DCST2: variants seen among roughly 807,000 people sequenced by gnomAD.
DCST2 encodes the protein DC-STAMP domain-containing protein 2.
DCST2 carries 64 observed loss-of-function variants against 81.8 expected under a neutral mutation model. The ratio of observed to expected loss-of-function variants is 0.78; its 90% confidence interval spans 0.64 to 0.96. The LOEUF (loss-of-function observed/expected upper bound fraction) is 0.96, where lower values mean the gene tolerates loss of function less well. DCST2 is among the 40% of genes least tolerant of loss of function. The pLI, the probability that DCST2 is intolerant of heterozygous loss-of-function variation, is 0.00. For synonymous variants in DCST2, 354 were observed against 402.6 expected (o/e 0.88, Z 1.44); for missense variants, 945 against 1,001.4 (o/e 0.94, Z 0.76).
At chr1:155,033,055 G>T in intron 2 of DCST2, 39 bp downstream of exon 2, 1 of 1,501,012 alleles carries the variant, frequency 6.7e-7, no homozygotes, top group Non-Finnish European at 8.9e-7. Context: ...GGGGGCGAGG[G>T]GGGCCCGTGG....
chr1:155,023,007 C>A, intron 14 of DCST2, 110 bp downstream of exon 14: 1 of 1,487,436 alleles, frequency 6.7e-7, no homozygotes, highest in South Asian at 1.3e-5. Flanking sequence ...CCCCTCATGT[C>A]TGTTTCAAGC....
chr1:155,032,595 G>C lies in DCST2; in HGVS notation c.541+72C>G, dbSNP rs976517708. The C allele has an allele frequency of 9.0e-6, 12 of 1,326,582 alleles. No individual in the cohort carries two copies. The African/African-American group carries it at 1.3e-4, about 14-fold the overall frequency. The allele number at this position is 1,326,582 out of a possible 1,614,324, so 82.2% of individuals were successfully genotyped here. A position where few individuals can be genotyped will look rare whatever the true frequency, so the allele number is the denominator to read the frequency against. ...GCCTCGCAAAGTGCTGGGATTACAG[G>C]CATGAGCCACCGCACCCGGCCAGGA... On this transcript the variant is annotated intron_variant, in intron 3 of 14. Transcript: ENST00000368424.
chr1:155,026,835 G>T, intron 8 of DCST2, 120 bp from the exon 9 acceptor site: 1 of 1,256,796 alleles, frequency 8.0e-7, no homozygotes, highest in Non-Finnish European at 1.1e-6. Context: ...ACCCTTGGCT[G>T]GGGGCCTCTG....
At chr1:155,031,341 C>T in intron 4 of DCST2, 107 bp from the exon 5 acceptor site, 1 of 1,237,508 alleles carries the variant, frequency 8.1e-7, no homozygotes, top group Non-Finnish European at 1.1e-6. Context: ...TTCCTATTGG[C>T]CTCCACATTT....
In DCST2 at chr1:155,023,502, C is replaced by T. The variant is rs748778734; in HGVS notation, c.1871-45G>A. ...ATGGAGGTGAACCCGAGTTCACCCA[C>T]CCACCCTCTGTGCTTCCTGGTTGCC... On this transcript the variant is annotated intron_variant, in intron 12 of 14. Coordinates refer to ENST00000368424, the MANE Select transcript of DCST2 (RefSeq NM_144622.3). 3 of 1,554,090 alleles carry T rather than the reference C, an allele frequency of 1.9e-6. No homozygotes were observed. In the South Asian group the frequency reaches 3.6e-5, roughly 18 times the overall value.
Position 155,033,757 on chromosome 1 carries a change from C to A in DCST2, c.-56G>T. 1 of 1,576,406 alleles carries A rather than the reference C, an allele frequency of 6.3e-7. No individual in the cohort carries two copies. The highest frequency in any genetic ancestry group is 1.4e-5 in the African/African-American group (1 of 73,706). On this transcript the variant is annotated 5_prime_UTR_variant, in exon 1 of 15. Transcript: ENST00000368424. Reference sequence around the variant, plus strand: ...CAGGAGATGCCCGCTGACTTCTGTGCTCCTGGAATTTCTCACCGTATTCTA... The same window carrying A: ...CAGGAGATGCCCGCTGACTTCTGTGATCCTGGAATTTCTCACCGTATTCTA...
In DCST2 at chr1:155,023,466, G is replaced by C; in HGVS notation, c.1871-9C>G. 1.3e-6 allele frequency: 2 copies of C among 1,581,560 alleles called. No individual in the cohort carries two copies. The highest frequency in any genetic ancestry group is 1.7e-6 in the Non-Finnish European group (2 of 1,163,448). On this transcript the variant is annotated splice_polypyrimidine_tract_variant and intron_variant, in intron 12 of 14. Transcript: ENST00000368424. ...AGTGAGGCAGTAGAGACCTGGTGGA[G>C]GCCATGGGGAATGGAGGTGAACCCG...
At chr1:155,023,556 G>A in intron 12 of DCST2, 99 bp from the exon 13 acceptor site, 2 of 1,548,094 alleles carry the variant, frequency 1.3e-6, no homozygotes, top group Non-Finnish European at 1.7e-6. Flanking sequence ...CACAGACCTG[G>A]ATGAACCATC....
At chr1:155,031,336 A>G (rs745571258) in intron 4 of DCST2, 102 bp from the exon 5 acceptor site, 4 of 1,258,082 alleles carry the variant, frequency 3.2e-6, no homozygotes, top group Admixed American at 2.7e-5. Context: ...CGATTTTCCT[A>G]TTGGCCTCCA....
chr1:155,024,077 A>G, intron 11 of DCST2, 118 bp from the exon 12 acceptor site: 1 of 1,387,062 alleles, frequency 7.2e-7, no homozygotes, highest in Non-Finnish European at 9.7e-7. Flanking sequence ...TACATCCTCC[A>G]TCCCTCTGAT....
At chr1:155,030,943 C>A in intron 5 of DCST2, 1 of 617,190 alleles carries the variant, frequency 1.6e-6, no homozygotes, top group Non-Finnish European at 2.8e-6. Flanking sequence ...GTTCTGTTCC[C>A]AGCTCCTGCT....
At chr1:155,030,014 G>A (rs1660020537) in intron 7 of DCST2, 70 bp downstream of exon 7, 1 of 1,595,158 alleles carries the variant, frequency 6.3e-7, no homozygotes, top group Admixed American at 1.7e-5. Context: ...GGGCTTAGGG[G>A]CAGGGCAGCG....
chr1:155,031,662 C>T lies in DCST2; in HGVS notation c.651G>A (p.Lys217=), dbSNP rs141908675. ...GTGGTATGACCATCATGCAGCTGTC[C>T]TTGGCATCATCGAAAACCCGTGCAC... ...LKCARVFDDA[K]DSCMMVIPQA... is the part of the protein sequence containing the mutation. The change falls in exon 4 of 15, where the codon AAG becomes AAA. Residue 217 remains lysine (K), a synonymous_variant. Transcript: ENST00000368424. The T allele has an allele frequency of 9.2e-5, 148 of 1,614,178 alleles. 1 individual carries two copies. The East Asian group carries it at 2.7e-3, about 29-fold the overall frequency.
chr1:155,018,686 A>G lies in DCST2; in HGVS notation c.2180T>C (p.Val727Ala), dbSNP rs1236600771. 6.2e-7 allele frequency: 1 copy of G among 1,613,740 alleles called. No individual in the cohort carries two copies. Among genetic ancestry groups the G allele is most frequent in the African/African-American group, 1.3e-5 (1 of 74,814 alleles). Residue 727 changes from valine to alanine, a missense_variant, in exon 15 of 15, where the codon GTC becomes GCC. Coordinates refer to ENST00000368424, the MANE Select transcript of DCST2 (RefSeq NM_144622.3). ...GGGCTCAGGGCTGGTGAGAATGCTG[A>G]CAGGCTGATGGGCTTCAGGTAAGGG... ...QQPLPEAHQP[V>A]SILTSPEPHR...
intron 14 of DCST2, among the ~76,000 whole-genome samples, chr1:155,019,787 G>A (rs986240556): frequency 2.0e-5 from 3 of 152,322 alleles, no homozygotes; most frequent in Middle Eastern, 3.4e-3. Flanking sequence ...ATAACTGAGC[G>A]CACTGGAGCA....
chr1:155,030,194 T>C lies in DCST2; in HGVS notation c.1067A>G (p.Asn356Ser). The C allele has an allele frequency of 1.2e-6, 2 of 1,614,128 alleles. No homozygotes were observed. The highest frequency in any genetic ancestry group is 1.7e-5 in the Admixed American group (1 of 60,026). The change falls in exon 7 of 15, where the codon AAT becomes AGT. Residue 356 changes from asparagine (N) to serine (S), a missense_variant. Physicochemically the swap from Asn to Ser is conservative, Grantham distance 46. Coordinates refer to ENST00000368424, the MANE Select transcript of DCST2 (RefSeq NM_144622.3). ...YCYLNWDHYD[N>S]IYITSRFLRM... ...CAGGAATCGGCTAGTGATGTAGATA[T>C]TGTCATAATGGTCCCAGTTCAGGTA...
rs764683716 is a variant in DCST2 at position 155,030,085 on chromosome 1, C to T, written c.1176G>A (p.Pro392=). The change falls in exon 7 of 15, where the codon CCG becomes CCA. Residue 392 remains proline, a splice_region_variant and synonymous_variant. Transcript: ENST00000368424. Reference sequence around the variant, plus strand: ...TCTCCCTGTCCTCAGGGCCCTCACCCGGTGGGATGTAGCGCCTGGCCTCGT... The same window carrying T: ...TCTCCCTGTCCTCAGGGCCCTCACCTGGTGGGATGTAGCGCCTGGCCTCGT... ...SAHEARRYIP[P]GSIFLSQWEK... 28 of 1,613,012 alleles carry T rather than the reference C, an allele frequency of 1.7e-5. No individual in the cohort carries two copies. The East Asian group carries it at 5.3e-4, about 31-fold the overall frequency.
rs1303930147 is a variant in DCST2, at chr1:155,033,415, C to A, written c.268+19G>T. The A allele has an allele frequency of 1.2e-6, 2 of 1,609,420 alleles. No individual in the cohort carries two copies. Among genetic ancestry groups the A allele is most frequent in the Non-Finnish European group, 1.7e-6 (2 of 1,176,844 alleles). On this transcript the variant is annotated intron_variant, in intron 1 of 14. Transcript: ENST00000368424. ...ACCAGCCCCAGGACCTGCCCCCTAG[C>A]CCTGGGTGCCAAGCTCACTGGAGAA...
Position 155,031,916 on chromosome 1 carries a change from G to A in DCST2, c.542-145C>T. On this transcript the variant is annotated intron_variant, in intron 3 of 14. Transcript: ENST00000368424. ...TGCTGTGTCCAGTGAACACTAGCCAGCGCCCAGAAGGGGCCCAAAAAACCC... is the reference window on the plus strand; with the variant it reads ...TGCTGTGTCCAGTGAACACTAGCCAACGCCCAGAAGGGGCCCAAAAAACCC... 3.6e-6 allele frequency: 3 copies of A among 836,242 alleles called. No individual in the cohort carries two copies. In the Admixed American group the frequency reaches 7.4e-5, roughly 21 times the overall value. 51.8% of individuals were successfully genotyped at this position (836,242 alleles called of 1,614,324 possible). A position where few individuals can be genotyped will look rare whatever the true frequency, so the allele number is the denominator to read the frequency against.
Sources: allele counts gnomAD v4.1 joint callset (sites outside exome capture counted in the v4.1 genomes callset), GRCh38; gene constraint gnomAD v4.1.1; transcripts MANE v1.5; gene names NCBI Gene and HGNC (gene_info 2026-07-23, HGNC 2026-07-21).